SLC24A4: variants seen among roughly 807,000 people sequenced by gnomAD.
The protein encoded by SLC24A4 is solute carrier family 24 member 4.
A neutral mutation model predicts 79.0 loss-of-function variants in SLC24A4; 53 were observed. That is an observed-to-expected ratio of 0.67 (90% CI 0.54 to 0.84). SLC24A4 has a LOEUF of 0.84. SLC24A4 is among the 40% of genes least tolerant of loss of function. The pLI is 0.00. For missense variants in SLC24A4, 731 were observed against 822.0 expected (o/e 0.89, Z 1.35); for synonymous variants, 323 against 323.8 (o/e 1.00, Z 0.03).
chr14:92,355,281 G>A (rs753850131), intron 2 of SLC24A4, among the ~76,000 whole-genome samples: 1 of 152,100 alleles, frequency 6.6e-6, no homozygotes, highest in Non-Finnish European at 1.5e-5. Flanking sequence ...GGAGGTGAGT[G>A]TGGCTGGAGC....
At chr14:92,394,420 A>G (rs1291099387) in intron 2 of SLC24A4, among the ~76,000 whole-genome samples, 1 of 151,616 alleles carries the variant, frequency 6.6e-6, no homozygotes, top group African/African-American at 2.4e-5. Context: ...ACATAGCAAG[A>G]CCCCATCTCT....
chr14:92,494,479 C>G lies in SLC24A4; in HGVS notation c.*851C>G, dbSNP rs146695235. On this transcript the variant is annotated 3_prime_UTR_variant, in exon 17 of 17. Coordinates refer to ENST00000532405, the MANE Select transcript of SLC24A4 (RefSeq NM_153646.4). This position sits in a 1 kb window ranked among gnomAD's most constrained non-coding sequence, Gnocchi z 4.6. ...TTGGAATAGGGAAAAAGGTAAGAGA[C>G]TAACGTGGAAAGGTGCTAACTCAGA... 1.3e-5 allele frequency: 2 copies of G among 152,314 alleles called. No individual in the cohort carries two copies. Among genetic ancestry groups the G allele is most frequent in the Non-Finnish European group, 2.9e-5 (2 of 68,024 alleles). 9.4% of individuals were successfully genotyped at this position (152,314 alleles called of 1,614,324 possible). A position where few individuals can be genotyped will look rare whatever the true frequency, so the allele number is the denominator to read the frequency against.
chr14:92,493,556 G>C lies in SLC24A4; in HGVS notation c.1797G>C (p.Leu599Phe), dbSNP rs779704077. 18 of 1,614,120 alleles carry C rather than the reference G, an allele frequency of 1.1e-5. No homozygotes were observed. The South Asian group carries it at 1.9e-4, about 17-fold the overall frequency. Residue 599 changes from leucine (L) to phenylalanine (F), a missense_variant, in exon 17 of 17, where the codon TTG becomes TTC. Physicochemically the swap from Leu to Phe is conservative, Grantham distance 22. Transcript: ENST00000532405. ...VYVLVLYAIF[L>F]CFSIMIEFNV... ...TGCTGGTTCTCTACGCCATCTTCTT[G>C]TGCTTCTCCATAATGATAGAGTTTA...
intron 6 of SLC24A4, 148 bp downstream of exon 6, chr14:92,442,964 C>T (rs1157346705): frequency 3.1e-6 from 2 of 652,026 alleles, no homozygotes; most frequent in African/African-American, 1.8e-5. Flanking sequence ...GTTTTGGCCT[C>T]TCCAACAGGG....
intron 14 of SLC24A4, among the ~76,000 whole-genome samples, chr14:92,487,591 G>A (rs897237434): frequency 2.6e-5 from 4 of 152,166 alleles, no homozygotes; most frequent in African/African-American, 7.2e-5. Flanking sequence ...GTGGAAGTAC[G>A]TTTGCTGGTC....
intron 3 of SLC24A4, 102 bp downstream of exon 3, chr14:92,434,090 A>G: frequency 2.2e-6 from 2 of 919,668 alleles, no homozygotes; most frequent in Non-Finnish European, 3.6e-6. Flanking sequence ...TATTCTTGTA[A>G]CAGCCCAGTG....
chr14:92,419,026 A>G (rs1227675618), intron 2 of SLC24A4, among the ~76,000 whole-genome samples: 1 of 152,110 alleles, frequency 6.6e-6, no homozygotes, highest in Non-Finnish European at 1.5e-5. Flanking sequence ...TTAGGCCTTC[A>G]ACTGATTGGG....
chr14:92,456,745 G>A, intron 12 of SLC24A4, 137 bp downstream of exon 12: 1 of 866,606 alleles, frequency 1.2e-6, no homozygotes, highest in Non-Finnish European at 1.8e-6. Flanking sequence ...TTAGGTCACT[G>A]GAATGCTTAG....
At chr14:92,479,041 A>G (rs1894919115) in intron 12 of SLC24A4, among the ~76,000 whole-genome samples, 2 of 152,240 alleles carry the variant, frequency 1.3e-5, no homozygotes, top group Non-Finnish European at 2.9e-5. Context: ...AATTTATTAC[A>G]TATCTTACAA....
At chr14:92,479,787 ATTC>A (rs1894960723) in intron 12 of SLC24A4, among the ~76,000 whole-genome samples, 1 of 152,316 alleles carries the variant, frequency 6.6e-6, no homozygotes, top group Admixed American at 6.5e-5. Flanking sequence ...AGTCATGTTA[ATTC>A]TTCTTTAAAC....
At chr14:92,419,351 C>T (rs917921794) in intron 2 of SLC24A4, among the ~76,000 whole-genome samples, 1 of 152,162 alleles carries the variant, frequency 6.6e-6, no homozygotes, top group African/African-American at 2.4e-5. Flanking sequence ...CATCCACCCT[C>T]CTTTGGGTTT....
chr14:92,332,021 G>A (rs1311280619), intron 2 of SLC24A4, among the ~76,000 whole-genome samples: 3 of 152,192 alleles, frequency 2.0e-5, no homozygotes, highest in Admixed American at 6.5e-5. Flanking sequence ...GCTCACGCTT[G>A]TAATCCTAGC....
In SLC24A4 at chr14:92,428,992, C is replaced by T. The variant is rs76285266; in HGVS notation, c.242-4920C>T. ...AAAAGGCAAATATGGGGAAAGGAAA[C>T]GTCAGTGGTATGGCACACCAGATAG... On this transcript the variant is annotated intron_variant, in intron 2 of 16. Coordinates refer to ENST00000532405, the MANE Select transcript of SLC24A4 (RefSeq NM_153646.4). Among the ~76,000 whole-genome samples, 90 of 152,290 alleles carry T rather than the reference C, an allele frequency of 5.9e-4. 1 individual carries two copies. The East Asian group carries it at 8.9e-3, about 15-fold the overall frequency.
At chr14:92,484,571 T>C in intron 13 of SLC24A4, 3 of 985,366 alleles carry the variant, frequency 3.0e-6, no homozygotes, top group Non-Finnish European at 3.6e-6. Context: ...AAACAAGTCA[T>C]GTAACTCAGG....
intron 2 of SLC24A4, among the ~76,000 whole-genome samples, chr14:92,357,551 T>C (rs1189376095): frequency 3.3e-5 from 5 of 152,212 alleles, no homozygotes; most frequent in African/African-American, 7.2e-5. Flanking sequence ...ACAATGTGGA[T>C]GAACCTTGAA....
In SLC24A4 at chr14:92,456,430, T is replaced by C. The variant is rs145847451; in HGVS notation, c.1077T>C (p.Asn359=). Residue 359 remains asparagine, a synonymous_variant, in exon 12 of 17, where the codon AAT becomes AAC. Transcript: ENST00000532405. ...NERQRLINSA[N]GVSSKPLQNG... Reference sequence around the variant, plus strand: ...GGCAGAGACTGATCAACTCGGCCAATGGTGTGAGCAGTAAGCCGCTTCAAA... The same window carrying C: ...GGCAGAGACTGATCAACTCGGCCAACGGTGTGAGCAGTAAGCCGCTTCAAA... 154 of 1,614,000 alleles carry C rather than the reference T, an allele frequency of 9.5e-5. 3 individuals are homozygous for C. In the Middle Eastern group the frequency reaches 1.8e-3, roughly 19 times the overall value.
chr14:92,423,723 G>C lies in SLC24A4; in HGVS notation c.242-10189G>C, dbSNP rs183149232. 5.9e-5 allele frequency among the ~76,000 whole-genome samples: 9 copies of C among 152,350 alleles called. No individual in the cohort carries two copies. The East Asian group carries it at 1.5e-3, about 26-fold the overall frequency. On this transcript the variant is annotated intron_variant, in intron 2 of 16. Transcript: ENST00000532405. The stretch of plus-strand genomic sequence containing the variant: ...TTGGTAAAGACTCAAAGTCAGGCAA[G>C]GGAGCCGGGAGGCTTCACAGCAGGG...
Position 92,442,080 on chromosome 14 carries a change from C to T in SLC24A4, c.394-9C>T, listed in dbSNP as rs777797417. ...ACACCCTGAGGGTCTGTGGTCACTT[C>T]CGTTTCAGAGACTCCATCTGAGCGA... On this transcript the variant is annotated splice_polypyrimidine_tract_variant and intron_variant, in intron 4 of 16. Transcript: ENST00000532405. 6.8e-6 allele frequency: 11 copies of T among 1,612,466 alleles called. No homozygotes were observed. Among genetic ancestry groups the T allele is most frequent in the Non-Finnish European group, 9.3e-6 (11 of 1,178,802 alleles).
At position 92,497,140 on chromosome 14, in the gene SLC24A4, GT is replaced by G. The variant is rs1477655926; in HGVS notation, c.*3514del. 6.6e-6 allele frequency: 1 copy of G among 152,286 alleles called. No homozygotes were observed. Among genetic ancestry groups the G allele is most frequent in the Non-Finnish European group, 1.5e-5 (1 of 68,202 alleles). The allele number at this position is 152,286 out of a possible 1,614,324, so 9.4% of individuals were successfully genotyped here. On this transcript the variant is annotated 3_prime_UTR_variant, in exon 17 of 17. Coordinates refer to ENST00000532405, the MANE Select transcript of SLC24A4 (RefSeq NM_153646.4). The stretch of plus-strand genomic sequence containing the variant: ...TTCACCTGCTCCTTACCCCTCACCT[GT>G]TAGGACTGTTTCTTGCTTTTGCCCC...
Sources: allele counts gnomAD v4.1 joint callset (sites outside exome capture counted in the v4.1 genomes callset), GRCh38; gene constraint gnomAD v4.1.1; non-coding constraint Gnocchi (gnomAD v3.1); transcripts MANE v1.5; gene names NCBI Gene and HGNC (gene_info 2026-07-23, HGNC 2026-07-21).